PKN2: variants seen among roughly 807,000 people sequenced by gnomAD.
The protein encoded by PKN2 is serine/threonine-protein kinase N2.
Under a neutral mutation model 119.1 loss-of-function variants are expected in PKN2, and 38 were observed. The observed-to-expected ratio is 0.32, with a 90% CI of 0.25 to 0.42. PKN2 has a LOEUF of 0.42. PKN2 is among the 10% of genes least tolerant of loss of function. PKN2 has a pLI of 1.00. For missense variants in PKN2, 850 were observed against 1,165.1 expected, an observed-to-expected ratio of 0.73 and a Z score of 3.94; for synonymous variants, 390 against 384.9, an observed-to-expected ratio of 1.01 and a Z score of -0.15.
intron 1 of PKN2, among the ~76,000 whole-genome samples, chr1:88,697,330 T>TATGACC (rs1442157615): frequency 6.6e-6 from 1 of 152,172 alleles, no homozygotes; most frequent in African/African-American, 2.4e-5. Context: ...AAAAACATTA[T>TATGACC]ATGACCAATC....
intron 1 of PKN2, among the ~76,000 whole-genome samples, chr1:88,735,049 T>C (rs550158196): frequency 3.9e-5 from 6 of 152,364 alleles, no homozygotes; most frequent in African/African-American, 1.2e-4. Context: ...TATAGTATTA[T>C]AGTATTCCAT....
Position 88,729,468 on chromosome 1 carries a change from A to G in PKN2, c.49-11520A>G, listed in dbSNP as rs561971927. Reference sequence around the variant, plus strand: ...GTGGCTAAGCTGGACTGGAATGCCTACTGTGGCTTCACTCACATGTCTGGT... The same window carrying G: ...GTGGCTAAGCTGGACTGGAATGCCTGCTGTGGCTTCACTCACATGTCTGGT... On this transcript the variant is annotated intron_variant, in intron 1 of 21. Transcript: ENST00000370521. 3.9e-5 allele frequency among the ~76,000 whole-genome samples: 6 copies of G among 152,282 alleles called. No individual in the cohort carries two copies. In the East Asian group the frequency reaches 9.7e-4, roughly 25 times the overall value.
chr1:88,807,814 T>C (rs1277751379), intron 15 of PKN2, 39 bp downstream of exon 15: 3 of 1,237,390 alleles, frequency 2.4e-6, no homozygotes, highest in Admixed American at 4.2e-5. Context: ...TTTTCTGAAT[T>C]TGTAAGTTAA....
intron 2 of PKN2, among the ~76,000 whole-genome samples, chr1:88,748,685 A>G (rs901371844): frequency 1.3e-5 from 2 of 152,122 alleles, no homozygotes; most frequent in Non-Finnish European, 2.9e-5. Flanking sequence ...CTAAAATCTC[A>G]GCACTTTGGG....
chr1:88,747,620 A>ATTT (rs1668822073), intron 2 of PKN2, among the ~76,000 whole-genome samples: 1 of 152,070 alleles, frequency 6.6e-6, no homozygotes, highest in Non-Finnish European at 1.5e-5. Flanking sequence ...ATTTTTTAAT[A>ATTT]TTTTATTAAG....
chr1:88,719,941 GATT>G (rs1667602573), intron 1 of PKN2, among the ~76,000 whole-genome samples: 1 of 152,130 alleles, frequency 6.6e-6, no homozygotes, highest in African/African-American at 2.4e-5. Flanking sequence ...AAAAATCTGA[GATT>G]ATTGAGTGTG....
rs187703528 is a variant in PKN2 at position 88,774,682 on chromosome 1, G to A, written c.985+2803G>A. 5.3e-5 allele frequency among the ~76,000 whole-genome samples: 8 copies of A among 151,316 alleles called. No individual in the cohort carries two copies. In the East Asian group the frequency reaches 1.6e-3, roughly 29 times the overall value. On this transcript the variant is annotated intron_variant, in intron 6 of 21. Transcript: ENST00000370521. ...CTGAGTTCTAGTACTACCTTCTTTT[G>A]GTTTTGATTGAATTTTTCTACTCTG...
chr1:88,739,452 A>C (rs555028479), intron 1 of PKN2, among the ~76,000 whole-genome samples: 1 of 152,224 alleles, frequency 6.6e-6, no homozygotes, highest in Admixed American at 6.5e-5. Context: ...TGCATGATAC[A>C]TAATTTTTAG....
At chr1:88,748,088 T>C (rs961257192) in intron 2 of PKN2, among the ~76,000 whole-genome samples, 1 of 152,186 alleles carries the variant, frequency 6.6e-6, no homozygotes, top group African/African-American at 2.4e-5. Context: ...ATTCTTTTTA[T>C]GATATATTTT....
chr1:88,831,352 TG>T (rs1342201594), intron 19 of PKN2, among the ~76,000 whole-genome samples: 1 of 151,540 alleles, frequency 6.6e-6, no homozygotes, highest in Non-Finnish European at 1.5e-5. Context: ...AAGACCAAAG[TG>T]CTGTCTTTGT....
intron 16 of PKN2, among the ~76,000 whole-genome samples, chr1:88,814,865 T>G (rs1416922344): frequency 6.6e-6 from 1 of 152,256 alleles, no homozygotes; most frequent in East Asian, 1.9e-4. Flanking sequence ...TATAATCTGA[T>G]GAAATAGCAA....
intron 3 of PKN2, among the ~76,000 whole-genome samples, chr1:88,763,392 G>A (rs1170487495): frequency 6.6e-6 from 1 of 152,146 alleles, no homozygotes; most frequent in African/African-American, 2.4e-5. Flanking sequence ...TGGATCAGCT[G>A]AGGTCGGGAG....
intron 1 of PKN2, among the ~76,000 whole-genome samples, chr1:88,736,110 T>C (rs552476336): frequency 6.6e-6 from 1 of 152,334 alleles, no homozygotes; most frequent in African/African-American, 2.4e-5. Flanking sequence ...TAGATTCTGC[T>C]GTTGATATTC....
intron 12 of PKN2, chr1:88,806,235 A>C (rs1570659263): frequency 6.3e-6 from 3 of 477,486 alleles, no homozygotes; most frequent in African/African-American, 2.0e-5. Context: ...GCTCACTGCA[A>C]CCTCCGCCTC....
chr1:88,717,877 CT>C (rs1667519165), intron 1 of PKN2, among the ~76,000 whole-genome samples: 2 of 152,144 alleles, frequency 1.3e-5, no homozygotes, highest in South Asian at 2.1e-4. Context: ...AAGAGGCACT[CT>C]GGTTTTTAGA....
intron 1 of PKN2, among the ~76,000 whole-genome samples, chr1:88,735,247 C>T (rs904062027): frequency 1.3e-5 from 2 of 152,124 alleles, no homozygotes; most frequent in African/African-American, 4.8e-5. Flanking sequence ...CAGTCTTGAT[C>T]TCATGGACTT....
chr1:88,740,658 T>C (rs1226669803), intron 1 of PKN2, among the ~76,000 whole-genome samples: 2 of 152,146 alleles, frequency 1.3e-5, no homozygotes, highest in African/African-American at 2.4e-5. Flanking sequence ...AGGTTCACAG[T>C]GTAGGGGTTG....
intron 1 of PKN2, among the ~76,000 whole-genome samples, chr1:88,731,578 A>G (rs1668144524): frequency 6.6e-6 from 1 of 152,208 alleles, no homozygotes; most frequent in South Asian, 2.1e-4. Context: ...GCTTTCCCCA[A>G]GACTAAAATC....
intron 16 of PKN2, among the ~76,000 whole-genome samples, chr1:88,814,531 G>C (rs1361742745): frequency 6.6e-6 from 1 of 152,102 alleles, no homozygotes; most frequent in African/African-American, 2.4e-5. Flanking sequence ...ATAATATTCA[G>C]TGGTCAGCTA....
Sources: allele counts gnomAD v4.1 joint callset (sites outside exome capture counted in the v4.1 genomes callset), GRCh38; gene constraint gnomAD v4.1.1; transcripts MANE v1.5; gene names NCBI Gene and HGNC (gene_info 2026-07-23, HGNC 2026-07-21).